The following RABGEF1 variants were observed in gnomAD, a reference collection of about 807,000 sequenced individuals.
The protein encoded by RABGEF1 is RAB guanine nucleotide exchange factor 1, also known as rab5 GDP/GTP exchange factor.
In RABGEF1, 26 loss-of-function variants were observed where a neutral mutation model predicts 57.3. The observed-to-expected ratio is 0.45, with a 90% CI of 0.33 to 0.63. The LOEUF is 0.63. Ranked by LOEUF, RABGEF1 falls within the 20% of genes least tolerant of loss-of-function variation. The probability of loss-of-function intolerance (pLI) is 0.02; values close to 1 mark genes in which losing one functional copy is unlikely to be tolerated. For missense variants in RABGEF1, 464 were observed against 607.6 expected (o/e 0.76, Z 2.48); for synonymous variants, 185 against 210.7 (o/e 0.88, Z 1.06).
At chr7:66,782,636 T>C (rs1404372495) in intron 3 of RABGEF1, among the ~76,000 whole-genome samples, 1 of 151,946 alleles carries the variant, frequency 6.6e-6, no homozygotes, top group Non-Finnish European at 1.5e-5. Flanking sequence ...CATGCCTGGC[T>C]AATGTTCTTA....
chr7:66,739,811 G>C (rs1308101552), upstream of RABGEF1: 2 of 152,122 alleles, frequency 1.3e-5, no homozygotes, highest in South Asian at 2.1e-4. Flanking sequence ...GTGACTGCAC[G>C]TTACGCCATA....
intron 2 of RABGEF1, among the ~76,000 whole-genome samples, chr7:66,728,272 TG>T (rs557786590): frequency 6.6e-6 from 1 of 152,062 alleles, no homozygotes; most frequent in African/African-American, 2.4e-5. Flanking sequence ...TAGCTAAGCT[TG>T]GGGGGGCCAC....
chr7:66,728,943 C>A (rs1796962910), intron 2 of RABGEF1, among the ~76,000 whole-genome samples: 3 of 151,596 alleles, frequency 2.0e-5, no homozygotes, highest in Middle Eastern at 3.4e-3. Context: ...TCTCCATCTT[C>A]ACCTCCACTT....
chr7:66,715,335 T>C (rs1795264557), intron 2 of RABGEF1, among the ~76,000 whole-genome samples: 1 of 152,192 alleles, frequency 6.6e-6, no homozygotes, highest in South Asian at 2.1e-4. Flanking sequence ...CTCATTATGT[T>C]ACCTAGGCTA....
At chr7:66,786,541 C>A (rs1811230892) in intron 4 of RABGEF1, among the ~76,000 whole-genome samples, 1 of 152,088 alleles carries the variant, frequency 6.6e-6, no homozygotes, top group Non-Finnish European at 1.5e-5. Context: ...GTAGCTGGGA[C>A]TAGTGGCACA....
chr7:66,659,109 G>A, the RABGEF1 span, among the ~76,000 whole-genome samples: 1 of 152,120 alleles, frequency 6.6e-6, no homozygotes, highest in African/African-American at 2.4e-5. Context: ...GACAGTACAA[G>A]AAAACAACTG....
At chr7:66,755,121 G>A (rs990784008) in intron 1 of RABGEF1, among the ~76,000 whole-genome samples, 2 of 151,938 alleles carry the variant, frequency 1.3e-5, no homozygotes, top group African/African-American at 4.8e-5. Flanking sequence ...AGTAAAACCT[G>A]GTCTCTACTA....
At chr7:66,751,690 G>A (rs1310577825) in intron 1 of RABGEF1, among the ~76,000 whole-genome samples, 1 of 152,114 alleles carries the variant, frequency 6.6e-6, no homozygotes, top group Non-Finnish European at 1.5e-5. Flanking sequence ...GAGTTTATAG[G>A]AGTCCCTCCC....
At chr7:66,767,550 C>T (rs538328026) in intron 1 of RABGEF1, among the ~76,000 whole-genome samples, 1 of 152,182 alleles carries the variant, frequency 6.6e-6, no homozygotes, top group Non-Finnish European at 1.5e-5. Context: ...GAATCTTTGT[C>T]TGTCCCCCAA....
chr7:66,743,794 C>T (rs1329935379), intron 1 of RABGEF1, among the ~76,000 whole-genome samples: 1 of 152,144 alleles, frequency 6.6e-6, no homozygotes, highest in Non-Finnish European at 1.5e-5. Context: ...AGCCACCACA[C>T]TTGGGCTAAA....
At chr7:66,664,822 A>T in the RABGEF1 span, among the ~76,000 whole-genome samples, 1 of 152,176 alleles carries the variant, frequency 6.6e-6, no homozygotes, top group African/African-American at 2.4e-5. Flanking sequence ...CGCTCTGTTC[A>T]AAACAGTACT....
chr7:66,758,017 G>A (rs566923077), intron 1 of RABGEF1, among the ~76,000 whole-genome samples: 9 of 151,888 alleles, frequency 5.9e-5, no homozygotes, highest in South Asian at 2.1e-4. Context: ...AAAATCACCC[G>A]TAAGTTTTAT....
intron 1 of RABGEF1, among the ~76,000 whole-genome samples, chr7:66,760,726 G>A (rs1270043333): frequency 6.6e-6 from 1 of 151,890 alleles, no homozygotes; most frequent in African/African-American, 2.4e-5. Context: ...ACAGGCATGA[G>A]CCACCGCACC....
At chr7:66,707,190 C>T (rs1485110172) in intron 1 of RABGEF1, among the ~76,000 whole-genome samples, 1 of 152,088 alleles carries the variant, frequency 6.6e-6, no homozygotes, top group African/African-American at 2.4e-5. Flanking sequence ...GGTCAGAAAA[C>T]GTATTTTGAA....
At chr7:66,661,159 C>T in the RABGEF1 span, among the ~76,000 whole-genome samples, 9 of 151,866 alleles carry the variant, frequency 5.9e-5, no homozygotes, top group African/African-American at 1.2e-4. Context: ...ATTAGCCAGG[C>T]GCAGTGGCGG....
At chr7:66,738,014 G>T (rs12672638), upstream of RABGEF1, among the ~76,000 whole-genome samples, 49,199 of 139,454 alleles carry the variant, frequency 0.35, 8,610 homozygotes, top group Middle Eastern at 0.51. Context: ...TGTGTTTTTT[G>T]TTTTTTTTGT....
At chr7:66,702,557 T>C (rs1793454398) in intron 1 of RABGEF1, among the ~76,000 whole-genome samples, 1 of 152,188 alleles carries the variant, frequency 6.6e-6, no homozygotes, top group African/African-American at 2.4e-5. Context: ...GCTGCCACAC[T>C]GTTTTTCACG....
At chr7:66,795,718 C>A in intron 5 of RABGEF1, 126 bp downstream of exon 5, 1 of 861,772 alleles carries the variant, frequency 1.2e-6, no homozygotes, top group Non-Finnish European at 1.9e-6. Context: ...ACCTCATGGA[C>A]ATTCTGGGAA....
chr7:66,665,311 AT>A, the RABGEF1 span: 32 of 148,768 alleles, frequency 2.2e-4, no homozygotes, highest in East Asian at 3.9e-4. Context: ...TGCCGTGCTA[AT>A]TTTTTTTTTT....
Sources: allele counts gnomAD v4.1 joint callset (sites outside exome capture counted in the v4.1 genomes callset), GRCh38; gene constraint gnomAD v4.1.1; transcripts MANE v1.5; gene names NCBI Gene and HGNC (gene_info 2026-07-23, HGNC 2026-07-21).